Variants in USP7 observed in about 807,000 individuals in gnomAD.
The protein encoded by USP7 is ubiquitin specific peptidase 7, also known as ubiquitin C-terminal hydrolase 7.
USP7 carries 9 observed loss-of-function variants against 162.9 expected under a neutral mutation model. The ratio of observed to expected loss-of-function variants is 0.06; its 90% CI spans 0.03 to 0.10. USP7 has a LOEUF of 0.10. USP7 is among the 10% of genes least tolerant of loss of function. The probability of loss-of-function intolerance (pLI) is 1.00; values close to 1 mark genes in which losing one functional copy is unlikely to be tolerated. For missense variants in USP7, 715 were observed against 1,373.7 expected (o/e 0.52, Z 7.58); for synonymous variants, 562 against 475.9 (o/e 1.18, Z -2.35).
chr16:8,930,694 C>T (rs945472604), intron 1 of USP7, among the ~76,000 whole-genome samples: 1 of 152,152 alleles, frequency 6.6e-6, no homozygotes, highest in Non-Finnish European at 1.5e-5. Context: ...GTAGGCCAGA[C>T]ATGGTGGCTC....
rs192016215 is a variant in USP7, at chr16:8,955,362, G to A, written c.79+7845C>T. Among the ~76,000 whole-genome samples the A allele has an allele frequency of 3.4e-4, 52 of 152,162 alleles. No individual in the cohort carries two copies. In the East Asian group the frequency reaches 9.1e-3, roughly 27 times the overall value. On this transcript the variant is annotated intron_variant, in intron 1 of 30. Coordinates refer to ENST00000344836, the MANE Select transcript of USP7 (RefSeq NM_003470.3). ...AAGGTTCAAGTGATCCTCCCACCTC[G>A]GCCTCCCAAAGTGCTGGGATTACAG...
In USP7 at chr16:8,900,060, T is replaced by A. The variant is rs1276887884; in HGVS notation, c.2310-303A>T. On this transcript the variant is annotated intron_variant, in intron 21 of 30. Coordinates refer to ENST00000344836, the MANE Select transcript of USP7 (RefSeq NM_003470.3). ...TACAGGAGCAGACCCAGACGCAGTG[T>A]CTTGCCCACAGACCTGACAGGTGGT... is the stretch of plus-strand genomic sequence containing the variant. 4 of 456,352 alleles carry A rather than the reference T, an allele frequency of 8.8e-6. No individual in the cohort carries two copies. In the Admixed American group the frequency reaches 1.6e-4, roughly 19 times the overall value. The allele number at this position is 456,352 out of a possible 1,614,324, so 28.3% of individuals were successfully genotyped here.
intron 2 of USP7, among the ~76,000 whole-genome samples, chr16:8,926,886 A>G (rs74010319): frequency 0.019 from 2,914 of 152,292 alleles, 63 homozygotes; most frequent in East Asian, 0.073. Flanking sequence ...CTACCTTCCA[A>G]TCTGGCCCCT....
At chr16:8,959,505 C>A (rs537637100) in intron 1 of USP7, among the ~76,000 whole-genome samples, 2 of 152,176 alleles carry the variant, frequency 1.3e-5, no homozygotes, top group Non-Finnish European at 2.9e-5. Context: ...TAAAACCTGA[C>A]GTGCTCACAT....
intron 10 of USP7, among the ~76,000 whole-genome samples, chr16:8,911,669 G>C (rs1243031996): frequency 3.3e-5 from 5 of 152,242 alleles, no homozygotes; most frequent in Non-Finnish European, 7.3e-5. Flanking sequence ...AACCCAGACA[G>C]AGCCAAGAAG....
chr16:8,909,537 C>G (rs992634085), intron 11 of USP7, among the ~76,000 whole-genome samples: 3 of 152,216 alleles, frequency 2.0e-5, no homozygotes, highest in Non-Finnish European at 4.4e-5. Flanking sequence ...GACTCAAATA[C>G]ATACTGCTCA....
At chr16:8,963,102 G>C in intron 1 of USP7, 105 bp downstream of exon 1, 3 of 1,072,414 alleles carry the variant, frequency 2.8e-6, no homozygotes, top group Non-Finnish European at 2.3e-6. Flanking sequence ...GCGGCCGCCC[G>C]GGGCCTGGTT....
intron 1 of USP7, among the ~76,000 whole-genome samples, chr16:8,942,686 T>A (rs1899103429): frequency 6.6e-6 from 1 of 152,156 alleles, no homozygotes; most frequent in South Asian, 2.1e-4. Context: ...CAGCTGGGAC[T>A]ACAGGCGCAC....
At chr16:8,907,207 G>A (rs963481110) in intron 12 of USP7, among the ~76,000 whole-genome samples, 1 of 152,196 alleles carries the variant, frequency 6.6e-6, no homozygotes, top group African/African-American at 2.4e-5. Context: ...GAACATTTAT[G>A]TGAAATCTCA....
chr16:8,910,625 T>C, intron 11 of USP7, 120 bp downstream of exon 11: 1 of 843,712 alleles, frequency 1.2e-6, no homozygotes, highest in African/African-American at 1.7e-5. Flanking sequence ...AGAATCCTTG[T>C]ATATTCTAAA....
chr16:8,919,019 C>T lies in USP7; in HGVS notation c.720+12G>A. 6.2e-7 allele frequency: 1 copy of T among 1,612,566 alleles called. No individual in the cohort carries two copies. The highest frequency in any genetic ancestry group is 8.5e-7 in the Non-Finnish European group (1 of 1,179,592). On this transcript the variant is annotated intron_variant, in intron 6 of 30. Coordinates refer to ENST00000344836, the MANE Select transcript of USP7 (RefSeq NM_003470.3). Reference sequence around the variant, plus strand: ...AGCGGAAGGCTGCAGGAGAGGAACACTATCCATTTACCTTTCGTAGCTGAT... The same window carrying T: ...AGCGGAAGGCTGCAGGAGAGGAACATTATCCATTTACCTTTCGTAGCTGAT...
rs773164542 is a variant in USP7, at chr16:8,915,356, G to C, written c.988-12C>G. ...CACTGGATATAGGACTGCAAATAAG[G>C]AAAGTAAAAGTGGTTTAACTAGTAA... On this transcript the variant is annotated splice_polypyrimidine_tract_variant and intron_variant, in intron 9 of 30. Transcript: ENST00000344836. 3 of 1,612,888 alleles carry C rather than the reference G, an allele frequency of 1.9e-6. No individual in the cohort carries two copies. The highest frequency in any genetic ancestry group is 2.2e-5 in the East Asian group (1 of 44,864).
intron 1 of USP7, 170 bp downstream of exon 1, chr16:8,963,037 C>T (rs1201178629): frequency 8.6e-6 from 4 of 464,066 alleles, no homozygotes; most frequent in Non-Finnish European, 1.2e-5. Context: ...GCCCGCGGAC[C>T]CGGCATGACT....
intron 3 of USP7, among the ~76,000 whole-genome samples, chr16:8,921,762 G>A (rs781426456): frequency 1.3e-5 from 2 of 152,282 alleles, no homozygotes; most frequent in Middle Eastern, 3.4e-3. Flanking sequence ...ACGAATTCAC[G>A]ATGAGGCACA....
chr16:8,895,639 T>C lies in USP7; in HGVS notation c.2919+3A>G. On this transcript the variant is annotated splice_donor_region_variant and intron_variant, in intron 27 of 30. Transcript: ENST00000344836. Reference sequence around the variant, plus strand: ...TGGTGCCAACAGTATCGGGGACAGATACCTCTATTCGAAACGTCCGGCTCG... The same window carrying C: ...TGGTGCCAACAGTATCGGGGACAGACACCTCTATTCGAAACGTCCGGCTCG... The C allele has an allele frequency of 6.2e-7, 1 of 1,610,218 alleles. No homozygotes were observed. The highest frequency in any genetic ancestry group is 8.5e-7 in the Non-Finnish European group (1 of 1,177,814).
chr16:8,948,437 G>T (rs993099805), intron 1 of USP7, among the ~76,000 whole-genome samples: 6 of 152,156 alleles, frequency 3.9e-5, no homozygotes, highest in African/African-American at 1.4e-4. Flanking sequence ...CACCGGCCTC[G>T]GCCTCCCAAA....
chr16:8,912,485 T>C (rs1596369085), intron 10 of USP7, among the ~76,000 whole-genome samples: 1 of 148,558 alleles, frequency 6.7e-6, no homozygotes, highest in African/African-American at 2.5e-5. Flanking sequence ...AAAATAAACA[T>C]TACCAAGCAT....
intron 1 of USP7, among the ~76,000 whole-genome samples, chr16:8,959,594 G>T (rs779012705): frequency 2.6e-5 from 4 of 152,144 alleles, no homozygotes; most frequent in Admixed American, 6.5e-5. Context: ...ACTTTGCAAA[G>T]AATTATCTTA....
chr16:8,906,159 A>C (rs920235157), intron 13 of USP7, among the ~76,000 whole-genome samples: 1 of 152,266 alleles, frequency 6.6e-6, no homozygotes, highest in Non-Finnish European at 1.5e-5. Flanking sequence ...CATTCAGAAG[A>C]AAATATAAGT....
Sources: gnomAD v4.1 joint callset for allele counts (sites outside exome capture counted in the v4.1 genomes callset) on GRCh38, gnomAD v4.1.1 for gene constraint, MANE v1.5 for transcripts, NCBI Gene and HGNC (gene_info 2026-07-23, HGNC 2026-07-21) for gene names.